DMC1: variants seen among roughly 807,000 people sequenced by gnomAD.
The protein encoded by DMC1 is meiotic recombination protein DMC1 homolog.
DMC1 carries 27 observed loss-of-function variants against 50.1 expected under a neutral mutation model. The ratio of observed to expected loss-of-function variants is 0.54; its 90% confidence interval spans 0.40 to 0.74. DMC1 has a LOEUF of 0.74. DMC1 is among the 30% of genes least tolerant of loss of function. The pLI, the probability that DMC1 is intolerant of heterozygous loss-of-function variation, is 0.00. For missense variants in DMC1, 295 were observed against 420.2 expected, an observed-to-expected ratio of 0.70 and a Z score of 2.60; for synonymous variants, 148 against 136.1, an observed-to-expected ratio of 1.09 and a Z score of -0.61.
At chr22:38,531,242 C>T (rs1345692317) in intron 12 of DMC1, among the ~76,000 whole-genome samples, 1 of 152,152 alleles carries the variant, frequency 6.6e-6, no homozygotes, top group Non-Finnish European at 1.5e-5. Flanking sequence ...TGGACTGATA[C>T]TTTGACTTTT....
intron 12 of DMC1, among the ~76,000 whole-genome samples, chr22:38,530,696 C>G (rs1407052906): frequency 6.6e-6 from 1 of 152,196 alleles, no homozygotes; most frequent in Non-Finnish European, 1.5e-5. Context: ...TACAAGGTCA[C>G]TATGCTAGTG....
At chr22:38,561,078 GCCTCAA>G (rs1365365079) in intron 5 of DMC1, among the ~76,000 whole-genome samples, 3 of 151,920 alleles carry the variant, frequency 2.0e-5, no homozygotes, top group Admixed American at 2.0e-4. Flanking sequence ...GCTCACTAGA[GCCTCAA>G]CCTCAACCTC....
chr22:38,533,969 T>G (rs2090183465), intron 12 of DMC1, among the ~76,000 whole-genome samples: 1 of 152,228 alleles, frequency 6.6e-6, no homozygotes, highest in Admixed American at 6.5e-5. Flanking sequence ...CTTAACATTT[T>G]AAGTAATGAA....
At position 38,525,961 on chromosome 22, in the gene DMC1, A is replaced by T. The variant is rs182676169; in HGVS notation, c.837-4237T>A. ...AAGACCTTGTCTCAAAAATAAAATA[A>T]AATACATAAAATAAAAGAAAAAAAA... On this transcript the variant is annotated intron_variant, in intron 12 of 13. Transcript: ENST00000216024. 2.0e-5 allele frequency among the ~76,000 whole-genome samples: 3 copies of T among 152,188 alleles called. No homozygotes were observed. The East Asian group carries it at 5.8e-4, about 29-fold the overall frequency.
At chr22:38,542,214 A>G (rs1300523207) in intron 8 of DMC1, among the ~76,000 whole-genome samples, 1 of 151,654 alleles carries the variant, frequency 6.6e-6, no homozygotes, top group Non-Finnish European at 1.5e-5. Flanking sequence ...GAGCAATCAG[A>G]CAAGAGAAAT....
chr22:38,515,893 C>T (rs752511897), downstream of DMC1, among the ~76,000 whole-genome samples: 4 of 152,166 alleles, frequency 2.6e-5, no homozygotes, highest in Non-Finnish European at 5.9e-5. Context: ...AGAACTCTCT[C>T]GGGTCTGGAT....
intron 8 of DMC1, among the ~76,000 whole-genome samples, chr22:38,543,478 C>T (rs2090309738): frequency 6.6e-6 from 1 of 152,114 alleles, no homozygotes; most frequent in Non-Finnish European, 1.5e-5. Flanking sequence ...ATCCACCCAC[C>T]TCGGCCTCCC....
In DMC1 at chr22:38,568,947, C is replaced by T. The variant is rs571821277; in HGVS notation, c.-33-658G>A. On this transcript the variant is annotated intron_variant, in intron 1 of 13. Coordinates refer to ENST00000216024, the MANE Select transcript of DMC1 (RefSeq NM_007068.4). Reference sequence around the variant, plus strand: ...GAGGCTCATGCCTGTAATCCCAGCACTTTGGGAGGCCGAGACAGGCAGATC... The same window carrying T: ...GAGGCTCATGCCTGTAATCCCAGCATTTTGGGAGGCCGAGACAGGCAGATC... 2.0e-5 allele frequency among the ~76,000 whole-genome samples: 3 copies of T among 152,202 alleles called. No individual in the cohort carries two copies. In the East Asian group the frequency reaches 5.8e-4, roughly 29 times the overall value.
In DMC1 at chr22:38,557,956, C is replaced by CTTTT. The variant is rs753724944; in HGVS notation, c.327-2551_327-2548dup. ...AATAATTAGATAATTAGACAAAGTTCTTTTTTTTTTTTTTTTTTTTTTTTG... is the reference window on the plus strand; with the variant it reads ...AATAATTAGATAATTAGACAAAGTTCTTTTTTTTTTTTTTTTTTTTTTTTTTTTG... On this transcript the variant is annotated intron_variant, in intron 5 of 13. Transcript: ENST00000216024. Among the ~76,000 whole-genome samples the CTTTT allele has an allele frequency of 4.8e-3, 303 of 62,684 alleles. 34 individuals carry two copies. Among genetic ancestry groups the CTTTT allele is most frequent in the East Asian group, 0.045 (83 of 1,854 alleles). 41.1% of individuals were successfully genotyped at this position (62,684 alleles called of 152,430 possible). A position where few individuals can be genotyped will look rare whatever the true frequency, so the allele number is the denominator to read the frequency against.
chr22:38,562,155 AAAAC>A (rs1020262063), intron 5 of DMC1, 128 bp downstream of exon 5: 68 of 653,454 alleles, frequency 1.0e-4, no homozygotes, highest in African/African-American at 3.8e-4. Context: ...TTTAGAAAAA[AAAAC>A]AAACAAACCC....
intron 11 of DMC1, 40 bp downstream of exon 11, chr22:38,538,255 C>G: frequency 6.5e-7 from 1 of 1,533,846 alleles, no homozygotes; most frequent in Non-Finnish European, 9.0e-7. Context: ...GTATACTTGA[C>G]AAACATAGTC....
At chr22:38,548,640 G>A (rs8135087) in intron 8 of DMC1, among the ~76,000 whole-genome samples, 40,220 of 152,060 alleles carry the variant, frequency 0.26, 5,626 homozygotes, top group East Asian at 0.36. Flanking sequence ...TTGGGAGGCT[G>A]AGGTGGGTGG....
At chr22:38,536,961 C>T (rs2090220096) in intron 12 of DMC1, among the ~76,000 whole-genome samples, 1 of 152,098 alleles carries the variant, frequency 6.6e-6, no homozygotes, top group African/African-American at 2.4e-5. Context: ...AGTGATTCTC[C>T]CACCTCAGCC....
At chr22:38,517,608 C>CAA, downstream of DMC1, among the ~76,000 whole-genome samples, 1 of 151,794 alleles carries the variant, frequency 6.6e-6, no homozygotes, top group Non-Finnish European at 1.5e-5. Flanking sequence ...CAAAACAAAA[C>CAA]AAAAAAGTTA....
chr22:38,530,187 G>A (rs1221082534), intron 12 of DMC1, among the ~76,000 whole-genome samples: 2 of 151,946 alleles, frequency 1.3e-5, no homozygotes, highest in Non-Finnish European at 2.9e-5. Context: ...GGCTGGTCTC[G>A]AACTCCTGAC....
chr22:38,560,180 G>C (rs2090511903), intron 5 of DMC1, among the ~76,000 whole-genome samples: 1 of 152,146 alleles, frequency 6.6e-6, no homozygotes, highest in Non-Finnish European at 1.5e-5. Context: ...AAAGTGATCA[G>C]AGAAGTTCTC....
the DMC1 span, among the ~76,000 whole-genome samples, chr22:38,512,425 C>T: frequency 6.6e-6 from 1 of 152,100 alleles, no homozygotes; most frequent in Non-Finnish European, 1.5e-5. Flanking sequence ...CAAAGTGGAC[C>T]CACTGTAGTA....
At chr22:38,522,408 A>G (rs543629269) in intron 12 of DMC1, among the ~76,000 whole-genome samples, 1 of 152,198 alleles carries the variant, frequency 6.6e-6, no homozygotes, top group South Asian at 2.1e-4. Flanking sequence ...TACAAAAATT[A>G]GCCAGGTGTG....
At position 38,525,075 on chromosome 22, in the gene DMC1, A is replaced by T. The variant is rs138024919; in HGVS notation, c.837-3351T>A. ...AGACTACGTCTCAAAATAAATAAAT[A>T]AATTAATTAATTAATTAAGCACACT... On this transcript the variant is annotated intron_variant, in intron 12 of 13. Coordinates refer to ENST00000216024, the MANE Select transcript of DMC1 (RefSeq NM_007068.4). Among the ~76,000 whole-genome samples the T allele has an allele frequency of 3.0e-3, 457 of 152,208 alleles. 1 individual carries two copies. The highest frequency in any genetic ancestry group is 0.01 in the Middle Eastern group (3 of 294).
Sources: allele counts gnomAD v4.1 joint callset (sites outside exome capture counted in the v4.1 genomes callset), GRCh38; gene constraint gnomAD v4.1.1; transcripts MANE v1.5; gene names NCBI Gene and HGNC (gene_info 2026-07-23, HGNC 2026-07-21).